REST: variants seen among roughly 807,000 people sequenced by gnomAD.
REST encodes RE1-silencing transcription factor.
REST carries 1 observed loss-of-function variant against 30.4 expected under a neutral mutation model. That is an observed-to-expected ratio of 0.03 (90% CI 0.01 to 0.16). REST has a LOEUF of 0.16. REST is among the 10% of genes least tolerant of loss of function. The pLI is 1.00. For synonymous variants in REST, 504 were observed against 451.1 expected (o/e 1.12, Z -1.49); for missense variants, 1,259 against 1,329.5 (o/e 0.95, Z 0.82).
intron 2 of REST, 65 bp downstream of exon 2, chr4:56,911,601 T>C: frequency 1.5e-6 from 2 of 1,316,902 alleles, no homozygotes; most frequent in Non-Finnish European, 2.1e-6. Context: ...AGTGGTTAGT[T>C]AAGTAGTGCT....
intron 2 of REST, among the ~76,000 whole-genome samples, chr4:56,912,406 T>C (rs1719973945): frequency 6.7e-6 from 1 of 149,308 alleles, no homozygotes; most frequent in African/African-American, 2.5e-5. Flanking sequence ...AGTGGCAAGA[T>C]CTCAGCTCAG....
chr4:56,924,216 G>C (rs1720578103), intron 3 of REST, among the ~76,000 whole-genome samples: 1 of 152,104 alleles, frequency 6.6e-6, no homozygotes, highest in East Asian at 1.9e-4. Context: ...TTAAATAGCT[G>C]GGATTGTTTG....
chr4:56,929,611 C>CT (rs1483030782), intron 3 of REST, among the ~76,000 whole-genome samples: 22 of 151,646 alleles, frequency 1.5e-4, no homozygotes, highest in African/African-American at 4.9e-4. Context: ...CTTGAGGACT[C>CT]TAACTTGAAC....
chr4:56,916,615 C>G (rs1370020108), intron 2 of REST, among the ~76,000 whole-genome samples: 1 of 151,852 alleles, frequency 6.6e-6, no homozygotes, highest in Non-Finnish European at 1.5e-5. Context: ...CCAGCCTGGG[C>G]GACAGAGCGA....
At chr4:56,925,783 T>C (rs1282986469) in intron 3 of REST, among the ~76,000 whole-genome samples, 1 of 152,158 alleles carries the variant, frequency 6.6e-6, no homozygotes, top group Non-Finnish European at 1.5e-5. Context: ...AAGTAAAAAT[T>C]ACGGGAGAAA....
chr4:56,918,254 G>C (rs1198244331), intron 2 of REST, among the ~76,000 whole-genome samples: 3 of 152,154 alleles, frequency 2.0e-5, no homozygotes, highest in East Asian at 3.9e-4. Flanking sequence ...CACTTTGGGA[G>C]GCCAATATAG....
Position 56,934,127 on chromosome 4 carries a change from T to C in REST, c.*1975T>C, listed in dbSNP as rs1382754956. On this transcript the variant is annotated 3_prime_UTR_variant, in exon 4 of 4. Coordinates refer to ENST00000309042, the MANE Select transcript of REST (RefSeq NM_005612.5). Reference sequence around the variant, plus strand: ...AATGGACATTGTAAATGTTGAATTCTAGGCTCCGACAATCATTGTCAACAG... The same window carrying C: ...AATGGACATTGTAAATGTTGAATTCCAGGCTCCGACAATCATTGTCAACAG... 6.6e-6 allele frequency: 1 copy of C among 152,234 alleles called. No individual in the cohort carries two copies. Among genetic ancestry groups the C allele is most frequent in the African/African-American group, 2.4e-5 (1 of 41,464 alleles). 9.4% of individuals were successfully genotyped at this position (152,234 alleles called of 1,614,324 possible).
Position 56,931,737 on chromosome 4 carries a change from C to T in REST, c.2879C>T (p.Thr960Ile). Residue 960 changes from threonine to isoleucine, a missense_variant, in exon 4 of 4, where the codon ACT (threonine) becomes ATT (isoleucine). Physicochemically the swap from Thr to Ile is moderately conservative, Grantham distance 89 (BLOSUM62 -1). Transcript: ENST00000309042. Reference sequence around the variant, plus strand: ...GATCAGAACACAAGAGAGAATCTCACTGGTATAAATTCAACAGTTGAAGAA... The same window carrying T: ...GATCAGAACACAAGAGAGAATCTCATTGGTATAAATTCAACAGTTGAAGAA... ...DTDQNTRENL[T>I]GINSTVEEPV... is the part of the protein sequence containing the mutation. 6.2e-7 allele frequency: 1 copy of T among 1,614,216 alleles called. No individual in the cohort carries two copies. Among genetic ancestry groups the T allele is most frequent in the Non-Finnish European group, 8.5e-7 (1 of 1,180,040 alleles).
chr4:56,921,806 A>G (rs1720464177), intron 3 of REST, among the ~76,000 whole-genome samples: 1 of 152,270 alleles, frequency 6.6e-6, no homozygotes, highest in African/African-American at 2.4e-5. Context: ...CAAGTTGATC[A>G]TATGGCAAAA....
Position 56,931,361 on chromosome 4 carries a change from C to A in REST, c.2503C>A (p.Gln835Lys), listed in dbSNP as rs1455309474. 3 of 1,614,240 alleles carry A rather than the reference C, an allele frequency of 1.9e-6. No individual in the cohort carries two copies. In the Admixed American group the frequency reaches 5.0e-5, roughly 27 times the overall value. ...NMQSERARKE[Q>K]VLIEVGLVPV... ...GCAGAGTGAAAGGGCACGGAAGGAG[C>A]AAGTCCTTATTGAAGTTGGCTTAGT... The change falls in exon 4 of 4, where the codon CAA becomes AAA. Residue 835 changes from glutamine to lysine, a missense_variant. Physicochemically the swap from Gln to Lys is moderately conservative, Grantham distance 53. Coordinates refer to ENST00000309042, the MANE Select transcript of REST (RefSeq NM_005612.5).
rs1339669757 is a variant in REST at position 56,935,184 on chromosome 4, A to G, written c.*3032A>G. The G allele has an allele frequency of 6.6e-6, 1 of 152,186 alleles. No individual in the cohort carries two copies. Among genetic ancestry groups the G allele is most frequent in the Non-Finnish European group, 1.5e-5 (1 of 68,040 alleles). The allele number at this position is 152,186 out of a possible 1,614,324, so 9.4% of individuals were successfully genotyped here. A position where few individuals can be genotyped will look rare whatever the true frequency, so the allele number is the denominator to read the frequency against. ...TTAAAACCCAAGTAGACCTCATTGC[A>G]TGTCACCCTATGAATGTTGACAATG... On this transcript the variant is annotated 3_prime_UTR_variant, in exon 4 of 4. Transcript: ENST00000309042.
chr4:56,931,084 G>A lies in REST; in HGVS notation c.2226G>A (p.Lys742=), dbSNP rs1410556599. The A allele has an allele frequency of 3.1e-5, 43 of 1,385,046 alleles. No homozygotes were observed. Among genetic ancestry groups the A allele is most frequent in the Non-Finnish European group, 4.0e-5 (40 of 1,000,982 alleles). The allele number at this position is 1,385,046 out of a possible 1,614,324, so 85.8% of individuals were successfully genotyped here. ...ELSPPMEVVQ[K]EPVQIELSPP... is the part of the protein sequence containing the mutation. ...CTCCTCCCATGGAGGTGGTCCAGAA[G>A]GAGCCTGTTCAGATAGAGCTGTCTC... The change falls in exon 4 of 4, where the codon AAG becomes AAA. Residue 742 remains lysine (K), a synonymous_variant. Transcript: ENST00000309042.
intron 2 of REST, among the ~76,000 whole-genome samples, chr4:56,912,931 C>A (rs1414987403): frequency 6.7e-6 from 1 of 149,842 alleles, no homozygotes; most frequent in African/African-American, 2.5e-5. Flanking sequence ...TAGGGGTGGG[C>A]TACCGCACCC....
intron 3 of REST, among the ~76,000 whole-genome samples, chr4:56,920,274 G>A (rs2109547154): frequency 6.6e-6 from 1 of 151,734 alleles, no homozygotes; most frequent in South Asian, 2.1e-4. Context: ...AGCTTCTCAG[G>A]TCCTGAAATG....
intron 2 of REST, among the ~76,000 whole-genome samples, chr4:56,917,924 C>T (rs1720278367): frequency 1.3e-5 from 2 of 151,656 alleles, no homozygotes; most frequent in South Asian, 2.1e-4. Flanking sequence ...TGGTGGCGGG[C>T]GCCTGTAGTC....
rs1186459035 is a variant in REST at position 56,932,649 on chromosome 4, A to T, written c.*497A>T. On this transcript the variant is annotated 3_prime_UTR_variant, in exon 4 of 4. Transcript: ENST00000309042. ...AAGAAAAATTCCCCCAGCAATAGAC[A>T]GTCTATCAGTCCAAGTATTTACTTC... is the stretch of plus-strand genomic sequence containing the variant. 1 of 152,578 alleles carries T rather than the reference A, an allele frequency of 6.6e-6. No individual in the cohort carries two copies. Among genetic ancestry groups the T allele is most frequent in the African/African-American group, 2.4e-5 (1 of 41,454 alleles). The allele number at this position is 152,578 out of a possible 1,614,324, so 9.5% of individuals were successfully genotyped here. A position where few individuals can be genotyped will look rare whatever the true frequency, so the allele number is the denominator to read the frequency against.
rs1720999639 is a variant in REST at position 56,932,138 on chromosome 4, CAAGGG to C, written c.3281_3285del (p.Gln1094ProfsTer7). On this transcript the variant is annotated frameshift_variant, in exon 4 of 4. Coordinates refer to ENST00000309042, the MANE Select transcript of REST (RefSeq NM_005612.5). LOFTEE classifies it high-confidence loss of function. ...TGTGTACTATCTTGAAGAAGCAGCT[CAAGGG>C]CAGGAGTAATGAAACTTTGAACAAG... 1.2e-6 allele frequency: 2 copies of C among 1,606,162 alleles called. No homozygotes were observed. Among genetic ancestry groups the C allele is most frequent in the Non-Finnish European group, 8.5e-7 (1 of 1,174,852 alleles).
chr4:56,928,258 C>T (rs537438647), intron 3 of REST, among the ~76,000 whole-genome samples: 2 of 152,234 alleles, frequency 1.3e-5, no homozygotes, highest in East Asian at 3.9e-4. Flanking sequence ...AGGCATCTGC[C>T]ACTACACCCG....
chr4:56,916,649 TAATAA>T (rs796659604), intron 2 of REST, among the ~76,000 whole-genome samples: 13 of 152,136 alleles, frequency 8.5e-5, no homozygotes, highest in Non-Finnish European at 1.6e-4. Flanking sequence ...AAAAAAATAA[TAATAA>T]AATAAAAGAA....
Sources: allele counts gnomAD v4.1 joint callset (sites outside exome capture counted in the v4.1 genomes callset), GRCh38; gene constraint gnomAD v4.1.1; transcripts MANE v1.5; gene names NCBI Gene and HGNC (gene_info 2026-07-23, HGNC 2026-07-21).